Variants in SYNE1 observed in about 807,000 individuals in gnomAD.
The protein encoded by SYNE1 is spectrin repeat containing nuclear envelope protein 1, also known as nesprin-1.
A neutral mutation model predicts 1,111.0 loss-of-function variants in SYNE1; 616 were observed. That is an observed-to-expected ratio of 0.55 (90% CI 0.52 to 0.59). The LOEUF is 0.59. SYNE1 is among the 20% of genes least tolerant of loss of function. The probability of loss-of-function intolerance (pLI) is 0.00; values close to 1 mark genes in which losing one functional copy is unlikely to be tolerated. For missense variants in SYNE1, 10,006 were observed against 10,417.0 expected, an observed-to-expected ratio of 0.96 and a Z score of 1.72; for synonymous variants, 3,855 against 3,825.8, an observed-to-expected ratio of 1.01 and a Z score of -0.28.
At chr6:152,460,350 A>G (rs1293760610) in intron 21 of SYNE1, among the ~76,000 whole-genome samples, 1 of 152,218 alleles carries the variant, frequency 6.6e-6, no homozygotes, top group Non-Finnish European at 1.5e-5. Flanking sequence ...TGAACTGAAC[A>G]TAAACATTCT....
At chr6:152,568,386 T>C (rs1422891000) in intron 3 of SYNE1, among the ~76,000 whole-genome samples, 1 of 139,430 alleles carries the variant, frequency 7.2e-6, no homozygotes, top group African/African-American at 2.6e-5. Context: ...CACTGCAACC[T>C]CTACCTCCTG....
At chr6:152,488,652 G>T in intron 11 of SYNE1, 149 bp from the exon 12 acceptor site, 1 of 529,664 alleles carries the variant, frequency 1.9e-6, no homozygotes. Context: ...CCCACCTTTA[G>T]GACAGTAAGA....
At chr6:152,373,572 A>G (rs1162220714) in intron 58 of SYNE1, among the ~76,000 whole-genome samples, 1 of 152,084 alleles carries the variant, frequency 6.6e-6, no homozygotes, top group East Asian at 1.9e-4. Context: ...GAGCCACCAC[A>G]CCCACCTTCT....
intron 3 of SYNE1, among the ~76,000 whole-genome samples, chr6:152,579,416 A>G (rs1038273011): frequency 8.5e-5 from 13 of 152,356 alleles, no homozygotes; most frequent in Admixed American, 2.6e-4. Flanking sequence ...CTAAAGTCTC[A>G]GCCACAGGCC....
intron 27 of SYNE1, 84 bp from the exon 28 acceptor site, chr6:152,449,725 G>A (rs2098631529): frequency 9.2e-7 from 1 of 1,084,844 alleles, no homozygotes; most frequent in Non-Finnish European, 1.4e-6. Flanking sequence ...ATTCACTCAT[G>A]GAAATTTAAC....
At chr6:152,350,093 C>T in intron 72 of SYNE1, 75 bp downstream of exon 72, 1 of 1,575,048 alleles carries the variant, frequency 6.3e-7, no homozygotes, top group Non-Finnish European at 8.7e-7. Context: ...CACACATGCA[C>T]ACACATGCAC....
intron 137 of SYNE1, chr6:152,143,983 G>A (rs547987028): frequency 5.0e-4 from 309 of 614,272 alleles, no homozygotes; most frequent in Middle Eastern, 2.7e-3. Context: ...CTAGCAGATC[G>A]GACGTCGCAA....
At chr6:152,512,182 G>A (rs558715795) in intron 6 of SYNE1, among the ~76,000 whole-genome samples, 2 of 152,120 alleles carry the variant, frequency 1.3e-5, no homozygotes, top group Non-Finnish European at 2.9e-5. Context: ...CAGAGGTGGA[G>A]TAAAAGCTAG....
chr6:152,372,613 T>C (rs748880784), intron 59 of SYNE1, among the ~76,000 whole-genome samples: 4 of 152,240 alleles, frequency 2.6e-5, no homozygotes, highest in African/African-American at 4.8e-5. Flanking sequence ...GCATACTTAA[T>C]GCCTAAAAAC....
At chr6:152,352,976 T>C (rs1392022582) in intron 69 of SYNE1, among the ~76,000 whole-genome samples, 13 of 152,180 alleles carry the variant, frequency 8.5e-5, no homozygotes, top group Non-Finnish European at 1.2e-4. Flanking sequence ...GGCCATTAAT[T>C]TGAGAGAGAA....
At chr6:152,318,291 T>C (rs764272088) in intron 85 of SYNE1, 28 bp from the exon 86 acceptor site, 2 of 1,613,274 alleles carry the variant, frequency 1.2e-6, no homozygotes, top group East Asian at 2.2e-5. Context: ...TGAAAGAACA[T>C]TAGAGTACAG....
chr6:152,271,258 T>G (rs2093183442), intron 98 of SYNE1, among the ~76,000 whole-genome samples: 1 of 152,228 alleles, frequency 6.6e-6, no homozygotes, highest in Non-Finnish European at 1.5e-5. Flanking sequence ...TAGAATCTCA[T>G]GATTAAATTG....
intron 84 of SYNE1, 79 bp from the exon 85 acceptor site, chr6:152,319,094 G>T: frequency 1.3e-6 from 2 of 1,570,684 alleles, no homozygotes; most frequent in Non-Finnish European, 8.7e-7. Context: ...AAATGATGTT[G>T]ACAAGACACA....
At chr6:152,455,330 T>C (rs2154256708) in intron 24 of SYNE1, 96 bp downstream of exon 24, 2 of 1,376,422 alleles carry the variant, frequency 1.5e-6, no homozygotes, top group Non-Finnish European at 2.0e-6. Context: ...CTGCCCGCTC[T>C]CCTTCTGTAT....
At chr6:152,154,817 G>C (rs556160674) in intron 133 of SYNE1, 75 bp downstream of exon 133, 2 of 1,538,546 alleles carry the variant, frequency 1.3e-6, no homozygotes, top group African/African-American at 1.4e-5. Flanking sequence ...AGCTAGTTTA[G>C]GTCTTGGAAC....
At chr6:152,626,418 G>A (rs1330435863) in intron 3 of SYNE1, among the ~76,000 whole-genome samples, 1 of 152,066 alleles carries the variant, frequency 6.6e-6, no homozygotes, top group Admixed American at 6.6e-5. Context: ...TGATGTCATT[G>A]AGGCACAAAA....
chr6:152,323,356 G>C (rs1315777837), intron 82 of SYNE1, 122 bp downstream of exon 82: 1 of 1,433,460 alleles, frequency 7.0e-7, no homozygotes, highest in Non-Finnish European at 9.4e-7. Context: ...GGAGAATGGC[G>C]TGAACCCGGG....
At chr6:152,497,290 G>C (rs923705054) in intron 11 of SYNE1, among the ~76,000 whole-genome samples, 2 of 152,152 alleles carry the variant, frequency 1.3e-5, no homozygotes, top group African/African-American at 4.8e-5. Context: ...GAAAGAAATG[G>C]AACTGGAGCC....
In SYNE1 at chr6:152,409,097, T is replaced by C. The variant is rs931884989; in HGVS notation, c.6511A>G (p.Met2171Val). 2.5e-6 allele frequency: 4 copies of C among 1,614,084 alleles called. No homozygotes were observed. Among genetic ancestry groups the C allele is most frequent in the East Asian group, 2.2e-5 (1 of 44,892 alleles). Reference protein sequence around the residue: ...SSDFSLVKTDMESTVDKWLDV... With the variant: ...SSDFSLVKTDVESTVDKWLDV... ...AGCCATTTGTCCACGGTGCTCTCCA[T>C]GTCTGTTTTCACCAAGCTGAAATCA... The change falls in exon 44 of 146, where the codon ATG becomes GTG. Residue 2171 changes from methionine to valine, a missense_variant. Around this residue, in one of 7 missense-constraint regions of SYNE1, gnomAD observed 4,955 missense variants for 5,017.2 expected, o/e 0.99. Coordinates refer to ENST00000367255, the MANE Select transcript of SYNE1 (RefSeq NM_182961.4).
Sources: allele counts gnomAD v4.1 joint callset (sites outside exome capture counted in the v4.1 genomes callset), GRCh38; gene constraint gnomAD v4.1.1; regional missense constraint gnomAD v4.1.1; transcripts MANE v1.5; gene names NCBI Gene and HGNC (gene_info 2026-07-23, HGNC 2026-07-21).